Variants in MOB1B observed in about 807,000 individuals in gnomAD.
The protein encoded by MOB1B is MOB1 Mps One Binder homolog B.
Under a neutral mutation model 24.4 loss-of-function variants are expected in MOB1B, and 19 were observed. That is an observed-to-expected ratio of 0.78 (90% CI 0.54 to 1.14). The LOEUF (loss-of-function observed/expected upper bound fraction) is 1.14. Ranked by LOEUF, MOB1B falls within the 50% of genes most tolerant of loss-of-function variation. MOB1B has a pLI of 0.00. For synonymous variants in MOB1B, 76 were observed against 82.1 expected (o/e 0.93, Z 0.40); for missense variants, 243 against 259.6 (o/e 0.94, Z 0.44).
At chr4:70,906,672 G>C (rs1735761519) in intron 1 of MOB1B, among the ~76,000 whole-genome samples, 1 of 152,156 alleles carries the variant, frequency 6.6e-6, no homozygotes, top group Admixed American at 6.6e-5. Flanking sequence ...TAAATGCTCA[G>C]GATAAATTTG....
intron 1 of MOB1B, 95 bp downstream of exon 1, chr4:70,902,645 C>T (rs1055687325): frequency 1.1e-5 from 13 of 1,223,758 alleles, no homozygotes; most frequent in African/African-American, 1.6e-5. Flanking sequence ...CGTCCCGACC[C>T]TCCTGGCCCA....
At position 70,950,351 on chromosome 4, in the gene MOB1B, G is replaced by A. The variant is rs191361755; in HGVS notation, c.15-8523G>A. Among the ~76,000 whole-genome samples the A allele has an allele frequency of 2.1e-3, 308 of 149,902 alleles. 3 individuals are homozygous for A. The highest frequency in any genetic ancestry group is 7.3e-3 in the African/African-American group (295 of 40,608). ...CTCAGGAGGCTGAGGCAGGAGAATC[G>A]CTTGAACCCAGGAGGCGGATGAGCC... is the stretch of plus-strand genomic sequence containing the variant. On this transcript the variant is annotated intron_variant, in intron 1 of 5. Transcript: ENST00000309395.
intron 1 of MOB1B, among the ~76,000 whole-genome samples, chr4:70,952,211 TTATAA>T (rs933475006): frequency 6.6e-5 from 10 of 152,026 alleles, no homozygotes; most frequent in South Asian, 2.1e-4. Context: ...TCAAACTATA[TTATAA>T]TATAATATAT....
At chr4:70,976,962 C>T (rs1306124262) in intron 4 of MOB1B, among the ~76,000 whole-genome samples, 3 of 151,796 alleles carry the variant, frequency 2.0e-5, no homozygotes, top group Non-Finnish European at 4.4e-5. Flanking sequence ...TAACATCTTC[C>T]TCCTTCCCTC....
chr4:70,983,343 G>C lies in MOB1B; in HGVS notation c.*1286G>C, dbSNP rs1485770290. The C allele has an allele frequency of 1.3e-5, 2 of 152,408 alleles. No individual in the cohort carries two copies. The highest frequency in any genetic ancestry group is 3.8e-4 in the East Asian group (2 of 5,198). The allele number at this position is 152,408 out of a possible 1,614,324, so 9.4% of individuals were successfully genotyped here. On this transcript the variant is annotated 3_prime_UTR_variant, in exon 6 of 6. Coordinates refer to ENST00000309395, the MANE Select transcript of MOB1B (RefSeq NM_173468.4). ...ACCCTGAAAGGAAATGTTTTTCTTTGCAGCAGTATTAGATAATGAAAAATG... is the reference window on the plus strand; with the variant it reads ...ACCCTGAAAGGAAATGTTTTTCTTTCCAGCAGTATTAGATAATGAAAAATG...
chr4:70,974,381 G>C (rs770792780), intron 3 of MOB1B, among the ~76,000 whole-genome samples: 2 of 152,144 alleles, frequency 1.3e-5, no homozygotes, highest in Non-Finnish European at 2.9e-5. Context: ...TAGGATTACA[G>C]GTGTGAGCCA....
At chr4:70,947,483 C>T (rs556653024) in intron 1 of MOB1B, among the ~76,000 whole-genome samples, 51 of 152,174 alleles carry the variant, frequency 3.4e-4, no homozygotes, top group African/African-American at 1.1e-3. Flanking sequence ...CTATGTTGCT[C>T]AGGCTCTTAT....
chr4:70,942,972 T>C (rs1737410928), intron 1 of MOB1B: 1 of 214,920 alleles, frequency 4.7e-6, no homozygotes, highest in Admixed American at 6.5e-5. Context: ...TCTCAGTGGG[T>C]TCGGGGAGTT....
In MOB1B at chr4:70,985,355, G is replaced by A. The variant is rs1739345186; in HGVS notation, c.*3298G>A. ...TTCATCTTCAGAGTGGTTCTTTTGG[G>A]AGCACTGTTTATTCCAGCTATACTG... is the stretch of plus-strand genomic sequence containing the variant. On this transcript the variant is annotated 3_prime_UTR_variant, in exon 6 of 6. Coordinates refer to ENST00000309395, the MANE Select transcript of MOB1B (RefSeq NM_173468.4). The A allele has an allele frequency of 6.6e-6, 1 of 151,972 alleles. No homozygotes were observed. The highest frequency in any genetic ancestry group is 6.6e-5 in the Admixed American group (1 of 15,260). The allele number at this position is 151,972 out of a possible 1,614,324, so 9.4% of individuals were successfully genotyped here.
At chr4:70,906,068 GA>G (rs993686903) in intron 1 of MOB1B, among the ~76,000 whole-genome samples, 2 of 149,074 alleles carry the variant, frequency 1.3e-5, no homozygotes, top group Non-Finnish European at 3.0e-5. Context: ...TAGAGAGTGA[GA>G]CTCTGTCTTA....
chr4:70,960,593 A>G (rs768969373), intron 2 of MOB1B, among the ~76,000 whole-genome samples: 36 of 152,110 alleles, frequency 2.4e-4, no homozygotes, highest in Admixed American at 7.9e-4. Context: ...TTTTATTGTG[A>G]TGTCTTAAAA....
At chr4:70,909,181 C>T (rs1198835320) in intron 1 of MOB1B, among the ~76,000 whole-genome samples, 1 of 152,044 alleles carries the variant, frequency 6.6e-6, no homozygotes, top group East Asian at 1.9e-4. Context: ...TCTCTCTAGA[C>T]TCATGATAGT....
At chr4:70,955,069 A>G (rs904312932) in intron 1 of MOB1B, among the ~76,000 whole-genome samples, 2 of 152,232 alleles carry the variant, frequency 1.3e-5, no homozygotes, top group African/African-American at 2.4e-5. Context: ...TACAGGCATG[A>G]GCCACTGTGC....
intron 1 of MOB1B, among the ~76,000 whole-genome samples, chr4:70,914,941 C>T (rs560767521): frequency 6.6e-6 from 1 of 152,242 alleles, no homozygotes; most frequent in South Asian, 2.1e-4. Flanking sequence ...ACATGTGTGA[C>T]AGTAATGTGT....
chr4:70,940,631 C>T (rs761035308), intron 1 of MOB1B, among the ~76,000 whole-genome samples: 44 of 151,362 alleles, frequency 2.9e-4, no homozygotes, highest in East Asian at 1.9e-4. Flanking sequence ...ATTTTCCTTT[C>T]GTTTTTGTTT....
At chr4:70,956,487 G>T (rs1200894752) in intron 1 of MOB1B, among the ~76,000 whole-genome samples, 2 of 152,094 alleles carry the variant, frequency 1.3e-5, no homozygotes, top group Non-Finnish European at 2.9e-5. Context: ...CTGGAAAGCA[G>T]TGGCGTGATC....
intron 2 of MOB1B, among the ~76,000 whole-genome samples, chr4:70,967,112 C>T (rs1351995561): frequency 6.6e-6 from 1 of 151,618 alleles, no homozygotes; most frequent in African/African-American, 2.4e-5. Context: ...CAAGGATATC[C>T]ACCACCAATA....
At chr4:70,979,626 C>G (rs1739123710) in intron 5 of MOB1B, among the ~76,000 whole-genome samples, 1 of 152,174 alleles carries the variant, frequency 6.6e-6, no homozygotes, top group African/African-American at 2.4e-5. Flanking sequence ...AGTACTTCTC[C>G]TACTGCAGTC....
intron 1 of MOB1B, among the ~76,000 whole-genome samples, chr4:70,908,150 C>T (rs896010354): frequency 4.6e-5 from 7 of 151,318 alleles, no homozygotes; most frequent in East Asian, 2.0e-4. Flanking sequence ...CTCAGCCTCT[C>T]GAGTAGCTGG....
Sources: gnomAD v4.1 joint callset for allele counts (sites outside exome capture counted in the v4.1 genomes callset) on GRCh38, gnomAD v4.1.1 for gene constraint, MANE v1.5 for transcripts, NCBI Gene and HGNC (gene_info 2026-07-23, HGNC 2026-07-21) for gene names.